The following ZP3 variants were observed in gnomAD, a reference collection of about 807,000 sequenced individuals.
ZP3 encodes zona pellucida sperm-binding protein 3.
Under a neutral mutation model 35.6 loss-of-function variants are expected in ZP3, and 21 were observed. The observed-to-expected ratio is 0.59, with a 90% confidence interval of 0.42 to 0.85. The LOEUF is 0.85. ZP3 is among the 40% of genes least tolerant of loss of function. The probability of loss-of-function intolerance (pLI) is 0.00; values close to 1 mark genes in which losing one functional copy is unlikely to be tolerated. For synonymous variants in ZP3, 207 were observed against 214.5 expected, an observed-to-expected ratio of 0.96 and a Z score of 0.31; for missense variants, 437 against 536.5, an observed-to-expected ratio of 0.81 and a Z score of 1.83.
chr7:76,426,014 C>T lies in ZP3; in HGVS notation c.312+738C>T, dbSNP rs1051281923. 4.7e-5 allele frequency among the ~76,000 whole-genome samples: 7 copies of T among 149,288 alleles called. No individual in the cohort carries two copies. In the East Asian group the frequency reaches 1.4e-3, roughly 30 times the overall value. ...AGGAGAATCGCTTGAACCCAGGAGG[C>T]AAAGGTTGCAGTGAGCTGAGATTGT... On this transcript the variant is annotated intron_variant, in intron 1 of 7. Transcript: ENST00000394857.
At chr7:76,412,063 T>C (rs73361593) in intron 1 of ZP3, among the ~76,000 whole-genome samples, 3,592 of 151,268 alleles carry the variant, frequency 0.024, 122 homozygotes, top group African/African-American at 0.083. Flanking sequence ...ATGGTGATTC[T>C]TGTGGACCCA....
intron 1 of ZP3, chr7:76,398,586 T>A (rs1272352528): frequency 3.0e-6 from 3 of 1,015,852 alleles, no homozygotes; most frequent in Admixed American, 3.8e-5. Context: ...ATTACAGGTG[T>A]GAGCCACCAT....
intron 1 of ZP3, chr7:76,397,922 C>T: frequency 7.6e-7 from 1 of 1,311,068 alleles, no homozygotes; most frequent in Non-Finnish European, 1.0e-6. Flanking sequence ...CCAGGATCTA[C>T]AACCCTTGGG....
At chr7:76,430,850 T>A (rs1361114971) in intron 2 of ZP3, among the ~76,000 whole-genome samples, 1 of 152,142 alleles carries the variant, frequency 6.6e-6, no homozygotes, top group Non-Finnish European at 1.5e-5. Flanking sequence ...AACAGGATCC[T>A]GGAGTGGGGG....
rs928965347 is a variant in ZP3 at position 76,397,905 on chromosome 7, C to G, written c.-67+108C>G. 10 of 1,413,622 alleles carry G rather than the reference C, an allele frequency of 7.1e-6. No homozygotes were observed. The Admixed American group carries it at 2.8e-4, about 39-fold the overall frequency. 87.6% of individuals were successfully genotyped at this position (1,413,622 alleles called of 1,614,324 possible). A position where few individuals can be genotyped will look rare whatever the true frequency, so the allele number is the denominator to read the frequency against. ...CCCCGTCCGCACCGCAAGGGCAGCC[C>G]GGTGTCCCAGGATCTACAACCCTTG... On this transcript the variant is annotated intron_variant, in intron 1 of 8. Coordinates refer to the ZP3 transcript ENST00000336517.
At chr7:76,404,667 A>T (rs1804942356) in intron 1 of ZP3, among the ~76,000 whole-genome samples, 1 of 151,956 alleles carries the variant, frequency 6.6e-6, no homozygotes, top group Non-Finnish European at 1.5e-5. Flanking sequence ...GTGGTGGCTT[A>T]TGCCTGTAAT....
chr7:76,412,705 CAGGGGTGGTG>C (rs1370442541), intron 1 of ZP3, among the ~76,000 whole-genome samples: 1 of 151,884 alleles, frequency 6.6e-6, no homozygotes, highest in Non-Finnish European at 1.5e-5. Context: ...CAAAATTAGC[CAGGGGTGGTG>C]GCGCATGCCT....
chr7:76,413,648 C>T (rs751600338), intron 1 of ZP3, among the ~76,000 whole-genome samples: 1 of 151,606 alleles, frequency 6.6e-6, no homozygotes, highest in Non-Finnish European at 1.5e-5. Context: ...AACAACAAAA[C>T]AGACTAATAT....
intron 1 of ZP3, among the ~76,000 whole-genome samples, chr7:76,398,361 G>C (rs1804708772): frequency 6.8e-6 from 1 of 147,798 alleles, no homozygotes; most frequent in Non-Finnish European, 1.5e-5. Context: ...CCAGGCTAGA[G>C]TACAGTGGCA....
chr7:76,397,767 T>G, exon 1 of ZP3: 1 of 1,612,640 alleles, frequency 6.2e-7, no homozygotes. Context: ...CACAGGCCAC[T>G]GTGCAGGATC....
intron 5 of ZP3, among the ~76,000 whole-genome samples, chr7:76,437,591 A>G (rs1342419608): frequency 6.6e-6 from 1 of 150,610 alleles, no homozygotes; most frequent in Non-Finnish European, 1.5e-5. Flanking sequence ...GGTTCAAGCA[A>G]TTCTTCCATT....
chr7:76,407,505 G>A (rs1185065029), intron 1 of ZP3, among the ~76,000 whole-genome samples: 1 of 152,046 alleles, frequency 6.6e-6, no homozygotes, highest in Non-Finnish European at 1.5e-5. Context: ...CTAATTGAGG[G>A]AGTATCTCTT....
Position 76,397,846 on chromosome 7 carries a change from C to A in ZP3, c.-67+49C>A, listed in dbSNP as rs1176396502. The A allele has an allele frequency of 2.6e-6, 4 of 1,532,302 alleles. No individual in the cohort carries two copies. The African/African-American group carries it at 4.1e-5, about 16-fold the overall frequency. The allele number at this position is 1,532,302 out of a possible 1,614,324, so 94.9% of individuals were successfully genotyped here. Reference sequence around the variant, plus strand: ...CGCTGCCCTCACCTGGGGATGGGGGCGGGGGTCAGGGCGCATCTCCCACTG... The same window carrying A: ...CGCTGCCCTCACCTGGGGATGGGGGAGGGGGTCAGGGCGCATCTCCCACTG... On this transcript the variant is annotated intron_variant, in intron 1 of 8. Coordinates refer to the ZP3 transcript ENST00000336517.
intron 1 of ZP3, among the ~76,000 whole-genome samples, chr7:76,406,065 A>C (rs1805019657): frequency 6.6e-6 from 1 of 151,858 alleles, no homozygotes; most frequent in Non-Finnish European, 1.5e-5. Context: ...CGTTCACTGC[A>C]AACTCTGCCT....
At chr7:76,420,423 C>T (rs1178617002), upstream of ZP3, among the ~76,000 whole-genome samples, 1 of 152,150 alleles carries the variant, frequency 6.6e-6, no homozygotes, top group Non-Finnish European at 1.5e-5. Context: ...ACAGCTAAAA[C>T]ATGTTGGGAT....
At chr7:76,418,194 G>A (rs1440354881) in intron 1 of ZP3, among the ~76,000 whole-genome samples, 1 of 151,932 alleles carries the variant, frequency 6.6e-6, no homozygotes, top group Non-Finnish European at 1.5e-5. Context: ...CTCCCAAAGT[G>A]CTTGGATTAT....
intron 1 of ZP3, among the ~76,000 whole-genome samples, chr7:76,408,026 G>A (rs933890067): frequency 1.3e-5 from 2 of 152,188 alleles, no homozygotes; most frequent in Non-Finnish European, 2.9e-5. Flanking sequence ...CTTGGTGTTG[G>A]GGGTCAGGGA....
intron 1 of ZP3, chr7:76,400,467 C>A (rs1186798281): frequency 1.2e-6 from 2 of 1,608,466 alleles, no homozygotes; most frequent in Non-Finnish European, 1.7e-6. Flanking sequence ...CACAGCCCAG[C>A]TGGCGACACA....
chr7:76,429,783 G>A (rs1805776016), intron 2 of ZP3, 150 bp downstream of exon 2: 2 of 705,122 alleles, frequency 2.8e-6, no homozygotes, highest in East Asian at 2.6e-5. Flanking sequence ...TACTGCGTGG[G>A]ATTGTGGGGC....
Sources: gnomAD v4.1 joint callset for allele counts (sites outside exome capture counted in the v4.1 genomes callset) on GRCh38, gnomAD v4.1.1 for gene constraint, MANE v1.5 for transcripts, NCBI Gene and HGNC (gene_info 2026-07-23, HGNC 2026-07-21) for gene names.